UBASH3B: variants seen among roughly 807,000 people sequenced by gnomAD.
UBASH3B encodes the protein ubiquitin associated and SH3 domain containing B.
A neutral mutation model predicts 83.4 loss-of-function variants in UBASH3B; 37 were observed. That is an observed-to-expected ratio of 0.44 (90% confidence interval 0.34 to 0.58). The LOEUF (loss-of-function observed/expected upper bound fraction) is 0.58. Ranked by LOEUF, UBASH3B falls within the 20% of genes least tolerant of loss-of-function variation. The pLI, the probability that UBASH3B is intolerant of heterozygous loss-of-function variation, is 0.01. For missense variants in UBASH3B, 657 were observed against 827.2 expected (o/e 0.79, Z 2.52); for synonymous variants, 304 against 318.3 (o/e 0.96, Z 0.48).
intron 1 of UBASH3B, among the ~76,000 whole-genome samples, chr11:122,757,558 G>A (rs1202913227): frequency 2.6e-5 from 4 of 151,998 alleles, no homozygotes; most frequent in Non-Finnish European, 5.9e-5. Context: ...TAAACAAATG[G>A]GCTGTATATT....
chr11:122,716,854 C>T (rs1376476141), intron 1 of UBASH3B, among the ~76,000 whole-genome samples: 2 of 152,060 alleles, frequency 1.3e-5, no homozygotes, highest in Non-Finnish European at 1.5e-5. Context: ...AGACAAAAGC[C>T]TTGCCTTTTC....
Position 122,699,561 on chromosome 11 carries a change from CTTTCTTTCT to C in UBASH3B, c.161+43354_161+43362del, listed in dbSNP as rs1864013777. 3.0e-5 allele frequency among the ~76,000 whole-genome samples: 4 copies of C among 134,170 alleles called. No homozygotes were observed. In the Admixed American group the frequency reaches 3.3e-4, roughly 11 times the overall value. 88.0% of individuals were successfully genotyped at this position (134,170 alleles called of 152,430 possible). A position where few individuals can be genotyped will look rare whatever the true frequency, so the allele number is the denominator to read the frequency against. On this transcript the variant is annotated intron_variant, in intron 1 of 13. Coordinates refer to ENST00000284273, the MANE Select transcript of UBASH3B (RefSeq NM_032873.5). Reference sequence around the variant, plus strand: ...TCTTTCTTTCTTTCTTTCTTTCTTTCTTTCTTTCTTTCTTTTCTTTCTTTCCTTTCTTTT... The same window carrying C: ...TCTTTCTTTCTTTCTTTCTTTCTTTCTTCTTTTCTTTCTTTCCTTTCTTTT...
At chr11:122,690,224 ATATATCCAATTT>A (rs1349417718) in intron 1 of UBASH3B, among the ~76,000 whole-genome samples, 11 of 133,510 alleles carry the variant, frequency 8.2e-5, no homozygotes, top group African/African-American at 3.0e-4. Flanking sequence ...TTATATATAT[ATATATCCAATTT>A]TATATATATA....
intron 1 of UBASH3B, among the ~76,000 whole-genome samples, chr11:122,739,214 G>A (rs1860985476): frequency 6.6e-6 from 1 of 152,168 alleles, no homozygotes; most frequent in Admixed American, 6.5e-5. Flanking sequence ...CCAGACTGAG[G>A]AGTGGAAAGT....
intron 8 of UBASH3B, 83 bp downstream of exon 8, chr11:122,796,359 G>A (rs1861156881): frequency 1.3e-6 from 2 of 1,558,188 alleles, no homozygotes; most frequent in Non-Finnish European, 1.7e-6. Context: ...TTATCTAGAT[G>A]GAGTCATTCA....
chr11:122,809,678 T>C, intron 13 of UBASH3B, 71 bp from the exon 14 acceptor site: 1 of 1,531,288 alleles, frequency 6.5e-7, no homozygotes, highest in South Asian at 1.2e-5. Flanking sequence ...TGAATATCTT[T>C]GTATTTAGGT....
intron 4 of UBASH3B, 72 bp from the exon 5 acceptor site, chr11:122,782,981 C>T (rs12575062): frequency 1.6e-5 from 24 of 1,520,352 alleles, no homozygotes; most frequent in Non-Finnish European, 1.9e-5. Context: ...CCTTTCTATG[C>T]CTTTCCTTAA....
intron 1 of UBASH3B, among the ~76,000 whole-genome samples, chr11:122,690,016 A>C (rs1378838106): frequency 5.3e-5 from 8 of 151,182 alleles, no homozygotes; most frequent in Non-Finnish European, 1.0e-4. Context: ...TCATTACCTC[A>C]GCATTTCTTC....
chr11:122,692,771 T>C (rs981253762), intron 1 of UBASH3B, among the ~76,000 whole-genome samples: 2 of 152,242 alleles, frequency 1.3e-5, no homozygotes, highest in Non-Finnish European at 2.9e-5. Flanking sequence ...TGCCAGGTAC[T>C]GGCAACAGAA....
Position 122,656,131 on chromosome 11 carries a change from C to A in UBASH3B, c.82C>A (p.Arg28Ser), listed in dbSNP as rs1019288408. 1.9e-6 allele frequency: 3 copies of A among 1,593,736 alleles called. No homozygotes were observed. The highest frequency in any genetic ancestry group is 2.6e-6 in the Non-Finnish European group (3 of 1,171,284). Residue 28 changes from arginine (R) to serine (S), a missense_variant, in exon 1 of 14, where the codon CGC (arginine) becomes AGC (serine). Physicochemically the swap from Arg to Ser is moderately radical, Grantham distance 110 (BLOSUM62 -1). Around this residue, in one of 3 missense-constraint regions of UBASH3B, gnomAD observed 78 missense variants for 68.4 expected, o/e 1.14. Coordinates refer to ENST00000284273, the MANE Select transcript of UBASH3B (RefSeq NM_032873.5). The part of the protein sequence containing the change: ...LYSKVTPRRN[R>S]QQRPGTIKHG... ...CAGCAAAGTCACCCCCCGGAGGAAC[C>A]GCCAACAGCGCCCCGGCACCATCAA...
intron 1 of UBASH3B, among the ~76,000 whole-genome samples, chr11:122,744,602 G>A (rs1861081226): frequency 6.6e-6 from 1 of 152,124 alleles, no homozygotes; most frequent in South Asian, 2.1e-4. Context: ...GTGTGAGGGT[G>A]TTTGTGTGCA....
At chr11:122,661,864 A>C (rs963554137) in intron 1 of UBASH3B, among the ~76,000 whole-genome samples, 11 of 151,084 alleles carry the variant, frequency 7.3e-5, no homozygotes, top group Non-Finnish European at 2.9e-5. Context: ...GGTTCCAAAA[A>C]AAAAAAAAAC....
chr11:122,801,385 A>C, intron 11 of UBASH3B, 53 bp downstream of exon 11: 1 of 1,597,812 alleles, frequency 6.3e-7, no homozygotes, highest in Non-Finnish European at 8.5e-7. Flanking sequence ...TGCTTTCTGC[A>C]CTAGCACTAG....
rs1216611338 is a variant in UBASH3B at position 122,814,190 on chromosome 11, T to C, written c.*4304T>C. On this transcript the variant is annotated 3_prime_UTR_variant, in exon 14 of 14. Transcript: ENST00000284273. ...ACAGATCATTCTAAACCTGTTATTTTGGAGAGGTGTATTGGTTTCTTTCTC... is the reference window on the plus strand; with the variant it reads ...ACAGATCATTCTAAACCTGTTATTTCGGAGAGGTGTATTGGTTTCTTTCTC... 6.5e-6 allele frequency: 1 copy of C among 152,672 alleles called. No individual in the cohort carries two copies. The highest frequency in any genetic ancestry group is 2.4e-5 in the African/African-American group (1 of 41,460). The allele number at this position is 152,672 out of a possible 1,614,324, so 9.5% of individuals were successfully genotyped here. A position where few individuals can be genotyped will look rare whatever the true frequency, so the allele number is the denominator to read the frequency against.
At chr11:122,770,611 C>T (rs1355839505) in intron 1 of UBASH3B, among the ~76,000 whole-genome samples, 4 of 152,136 alleles carry the variant, frequency 2.6e-5, no homozygotes, top group South Asian at 2.1e-4. Context: ...ACAAAGAAAA[C>T]GGCAGCTAAC....
At chr11:122,684,098 A>G (rs1863779791) in intron 1 of UBASH3B, among the ~76,000 whole-genome samples, 2 of 152,206 alleles carry the variant, frequency 1.3e-5, no homozygotes, top group African/African-American at 4.8e-5. Flanking sequence ...ACATTCTTAT[A>G]GAAAAAAATG....
intron 1 of UBASH3B, among the ~76,000 whole-genome samples, chr11:122,773,123 A>T (rs1860675382): frequency 1.3e-5 from 2 of 152,202 alleles, no homozygotes; most frequent in African/African-American, 4.8e-5. Flanking sequence ...AGTCACCCGG[A>T]GGATAGCAGA....
chr11:122,774,011 A>G, intron 1 of UBASH3B: 1 of 985,336 alleles, frequency 1.0e-6, no homozygotes, highest in Non-Finnish European at 1.2e-6. Context: ...TCTAACCTCT[A>G]AAAGGTCATG....
intron 11 of UBASH3B, 44 bp downstream of exon 11, chr11:122,801,376 G>T: frequency 6.2e-7 from 1 of 1,604,222 alleles, no homozygotes; most frequent in Non-Finnish European, 8.5e-7. Context: ...GTGTGGAAGT[G>T]CTTTCTGCAC....
Sources: allele counts gnomAD v4.1 joint callset (sites outside exome capture counted in the v4.1 genomes callset), GRCh38; gene constraint gnomAD v4.1.1; regional missense constraint gnomAD v4.1.1; transcripts MANE v1.5; gene names NCBI Gene and HGNC (gene_info 2026-07-23, HGNC 2026-07-21).